The following DSTN variants were observed in gnomAD, a reference collection of about 807,000 sequenced individuals.
DSTN encodes destrin, actin depolymerizing factor, also known as destrin.
DSTN carries 10 observed loss-of-function variants against 16.8 expected under a neutral mutation model. The ratio of observed to expected loss-of-function variants is 0.60; its 90% confidence interval spans 0.37 to 1.01. The LOEUF is 1.01. Ranked by LOEUF, DSTN falls within the 50% of genes least tolerant of loss-of-function variation. The pLI, the probability that DSTN is intolerant of heterozygous loss-of-function variation, is 0.01. For synonymous variants in DSTN, 57 were observed against 58.9 expected, an observed-to-expected ratio of 0.97 and a Z score of 0.14; for missense variants, 141 against 196.7, an observed-to-expected ratio of 0.72 and a Z score of 1.69.
intron 1 of DSTN, among the ~76,000 whole-genome samples, chr20:17,585,055 G>A (rs2035390983): frequency 6.6e-6 from 1 of 152,174 alleles, no homozygotes; most frequent in South Asian, 2.1e-4. Flanking sequence ...GGGTCAATGG[G>A]TATGGATTAT....
At chr20:17,577,566 CA>C (rs11482902) in intron 1 of DSTN, among the ~76,000 whole-genome samples, 9,466 of 145,028 alleles carry the variant, frequency 0.065, 454 homozygotes, top group African/African-American at 0.13. Context: ...GACCCTGTCT[CA>C]AAAAAAAAAA....
intron 1 of DSTN, among the ~76,000 whole-genome samples, chr20:17,597,547 A>C (rs2035539466): frequency 6.6e-6 from 1 of 152,208 alleles, no homozygotes; most frequent in Admixed American, 6.5e-5. Flanking sequence ...CAGATCTTTT[A>C]GGGTATCCAT....
chr20:17,600,657 A>C, intron 1 of DSTN, 81 bp from the exon 2 acceptor site: 1 of 1,407,418 alleles, frequency 7.1e-7, no homozygotes. Flanking sequence ...AATATATGCC[A>C]ATCTATAAGC....
intron 1 of DSTN, among the ~76,000 whole-genome samples, chr20:17,574,381 G>C (rs1460319759): frequency 1.3e-5 from 2 of 152,174 alleles, no homozygotes; most frequent in Non-Finnish European, 2.9e-5. Flanking sequence ...AGAATGTAGA[G>C]TGACTTAGGA....
intron 1 of DSTN, among the ~76,000 whole-genome samples, chr20:17,570,851 C>A (rs1208032939): frequency 1.3e-5 from 2 of 152,174 alleles, no homozygotes; most frequent in African/African-American, 4.8e-5. Flanking sequence ...GCACTCTCGT[C>A]GTGCTTGTCA....
At chr20:17,606,866 C>CT (rs1243564375) in intron 3 of DSTN, among the ~76,000 whole-genome samples, 171 bp from the exon 4 acceptor site, 1 of 152,218 alleles carries the variant, frequency 6.6e-6, no homozygotes, top group African/African-American at 2.4e-5. Context: ...GCCCATCTAT[C>CT]TTGATGCATG....
At chr20:17,579,588 A>C (rs2035320864) in intron 1 of DSTN, among the ~76,000 whole-genome samples, 1 of 152,206 alleles carries the variant, frequency 6.6e-6, no homozygotes, top group African/African-American at 2.4e-5. Context: ...GATCCCCCCA[A>C]AAAAAGCAGT....
At chr20:17,597,124 T>A (rs2122198794) in intron 1 of DSTN, among the ~76,000 whole-genome samples, 1 of 152,360 alleles carries the variant, frequency 6.6e-6, no homozygotes, top group South Asian at 2.1e-4. Flanking sequence ...ATGGAGATTC[T>A]TAACTTGCTT....
chr20:17,604,753 T>G lies in DSTN; in HGVS notation c.388+122T>G, dbSNP rs926919102. 38 of 869,912 alleles carry G rather than the reference T, an allele frequency of 4.4e-5. 1 individual carries two copies. In the South Asian group the frequency reaches 6.3e-4, roughly 14 times the overall value. 53.9% of individuals were successfully genotyped at this position (869,912 alleles called of 1,614,324 possible). ...TTCGGGCACAAGGGAGAAGTGTTAC[T>G]TGTTTTGAGAAAAGCAGAAGACTGA... On this transcript the variant is annotated intron_variant, in intron 3 of 3. Coordinates refer to ENST00000246069, the MANE Select transcript of DSTN (RefSeq NM_006870.4).
chr20:17,574,829 C>CTT (rs2035253100), intron 1 of DSTN, among the ~76,000 whole-genome samples: 2 of 133,998 alleles, frequency 1.5e-5, no homozygotes, highest in Admixed American at 7.4e-5. Context: ...CCTTTTTTTC[C>CTT]TTTCTTTTTT....
chr20:17,605,003 A>G (rs1358092852), intron 3 of DSTN: 2 of 457,348 alleles, frequency 4.4e-6, no homozygotes, highest in Non-Finnish European at 8.7e-6. Flanking sequence ...AGTTGTTATA[A>G]TAAAGTTGCA....
chr20:17,606,803 A>G (rs912892244), intron 3 of DSTN, among the ~76,000 whole-genome samples: 2 of 152,184 alleles, frequency 1.3e-5, no homozygotes, highest in Non-Finnish European at 2.9e-5. Context: ...TATATATATA[A>G]TAGAATATAT....
At position 17,607,245 on chromosome 20, in the gene DSTN, G is replaced by C; in HGVS notation, c.*99G>C. The C allele has an allele frequency of 9.9e-7, 1 of 1,007,336 alleles. No individual in the cohort carries two copies. The highest frequency in any genetic ancestry group is 1.4e-6 in the Non-Finnish European group (1 of 692,426). 62.4% of individuals were successfully genotyped at this position (1,007,336 alleles called of 1,614,324 possible). ...TTTAGGCCAGGGTCTCACTGAGGGG[G>C]AGCTGTCTTGTCATCTTTTAGAGTA... On this transcript the variant is annotated 3_prime_UTR_variant, in exon 4 of 4. Transcript: ENST00000246069.
At chr20:17,597,304 C>T (rs1368880983) in intron 1 of DSTN, among the ~76,000 whole-genome samples, 1 of 152,042 alleles carries the variant, frequency 6.6e-6, no homozygotes, top group African/African-American at 2.4e-5. Context: ...CATTTATGAA[C>T]AGAAAATGTG....
chr20:17,572,420 T>C (rs1269831111), intron 1 of DSTN, among the ~76,000 whole-genome samples: 2 of 152,242 alleles, frequency 1.3e-5, no homozygotes, highest in African/African-American at 4.8e-5. Flanking sequence ...GGTTATTTGC[T>C]CAGTAGTTCT....
chr20:17,597,614 C>G (rs2035540597), intron 1 of DSTN, among the ~76,000 whole-genome samples: 1 of 152,186 alleles, frequency 6.6e-6, no homozygotes, highest in Non-Finnish European at 1.5e-5. Context: ...CCCTGGCTCT[C>G]CATTGTCTTT....
chr20:17,607,139 C>G lies in DSTN; in HGVS notation c.491C>G (p.Pro164Arg), dbSNP rs370940124. 1.7e-5 allele frequency: 28 copies of G among 1,611,890 alleles called. No individual in the cohort carries two copies. Among genetic ancestry groups the G allele is most frequent in the East Asian group, 6.7e-5 (3 of 44,864 alleles). ...TTAATTGTAGCCTTTGAAGGATGCC[C>G]TGTGTAGATTATTCAGTGCCACAAA... ...GSLIVAFEGCPV is the reference protein window; with the variant it reads ...GSLIVAFEGCRV Residue 164 changes from proline (P) to arginine (R), a missense_variant, in exon 4 of 4, where the codon CCT (proline) becomes CGT (arginine). Coordinates refer to ENST00000246069, the MANE Select transcript of DSTN (RefSeq NM_006870.4).
chr20:17,591,777 C>T (rs2035471994), intron 1 of DSTN, among the ~76,000 whole-genome samples: 1 of 152,276 alleles, frequency 6.6e-6, no homozygotes, highest in Non-Finnish European at 1.5e-5. Flanking sequence ...AATGACTTGC[C>T]TAAGGTGACA....
Position 17,600,841 on chromosome 20 carries a change from T to C in DSTN, c.107T>C (p.Val36Ala), listed in dbSNP as rs1271595197. The C allele has an allele frequency of 1.2e-6, 2 of 1,613,866 alleles. No individual in the cohort carries two copies. The highest frequency in any genetic ancestry group is 1.7e-5 in the Admixed American group (1 of 60,010). Residue 36 changes from valine (V) to alanine (A), a missense_variant, in exon 2 of 4, where the codon GTC becomes GCC. By Grantham distance (64) the Val-to-Ala change is moderately conservative. Coordinates refer to ENST00000246069, the MANE Select transcript of DSTN (RefSeq NM_006870.4). ...GAAATCAAGAAAAGAAAGAAGGCTGTCATTTTTTGTCTCAGTGCAGACAAA... is the reference window on the plus strand; with the variant it reads ...GAAATCAAGAAAAGAAAGAAGGCTGCCATTTTTTGTCTCAGTGCAGACAAA... ...PEEIKKRKKAVIFCLSADKKC... is the reference protein window; with the variant it reads ...PEEIKKRKKAAIFCLSADKKC...
Sources: allele counts gnomAD v4.1 joint callset (sites outside exome capture counted in the v4.1 genomes callset), GRCh38; gene constraint gnomAD v4.1.1; transcripts MANE v1.5; gene names NCBI Gene and HGNC (gene_info 2026-07-23, HGNC 2026-07-21).